Variants in OVCH1 observed in about 807,000 individuals in gnomAD.
OVCH1 encodes ovochymase 1.
Under a neutral mutation model 138.4 loss-of-function variants are expected in OVCH1, and 139 were observed. The observed-to-expected ratio is 1.00, with a 90% confidence interval of 0.87 to 1.16. The LOEUF (loss-of-function observed/expected upper bound fraction) is 1.16, where lower values mean the gene tolerates loss of function less well. Ranked by LOEUF, OVCH1 falls within the 50% of genes most tolerant of loss-of-function variation. The probability of loss-of-function intolerance (pLI) is 0.00; values close to 1 mark genes in which losing one functional copy is unlikely to be tolerated. For synonymous variants in OVCH1, 453 were observed against 467.8 expected, an observed-to-expected ratio of 0.97 and a Z score of 0.41; for missense variants, 1,367 against 1,357.9, an observed-to-expected ratio of 1.01 and a Z score of -0.11.
intron 22 of OVCH1, among the ~76,000 whole-genome samples, chr12:29,450,590 T>C (rs558181329): frequency 1.3e-5 from 2 of 152,314 alleles, no homozygotes; most frequent in African/African-American, 4.8e-5. Flanking sequence ...CGTTCAACCA[T>C]TGTAGAATAC....
Position 29,473,073 on chromosome 12 carries a change from GGTAACTTT to G in OVCH1, c.1623_1630del (p.Lys542SerfsTer15). On this transcript the variant is annotated frameshift_variant, in exon 15 of 28. Coordinates refer to ENST00000318184, the Ensembl canonical transcript of OVCH1. LOFTEE classifies it high-confidence loss of function. Reference sequence around the variant, plus strand: ...GGTAGATACAGGATTGTTTTGGGGAGGTAACTTTGGTTCAAATTTGTTTAAAGACTCTG... The same window carrying G: ...GGTAGATACAGGATTGTTTTGGGGAGGGTTCAAATTTGTTTAAAGACTCTG... 2 of 1,610,108 alleles carry G rather than the reference GGTAACTTT, an allele frequency of 1.2e-6. No homozygotes were observed. The highest frequency in any genetic ancestry group is 8.5e-7 in the Non-Finnish European group (1 of 1,177,838).
At position 29,452,792 on chromosome 12, in the gene OVCH1, T is replaced by C. The variant is rs111588426; in HGVS notation, c.2531-1223A>G. On this transcript the variant is annotated intron_variant, in intron 21 of 27. Transcript: ENST00000318184. ...AGAAACCATTGCTAAGATTCATTAA[T>C]TCCCTAGTGTAAAAAGTTAGTAGCG... Among the ~76,000 whole-genome samples the C allele has an allele frequency of 3.7e-4, 56 of 152,290 alleles. 1 individual carries two copies. Among genetic ancestry groups the C allele is most frequent in the African/African-American group, 1.3e-3 (55 of 41,574 alleles).
At chr12:29,430,704 C>T (rs1464287725) in intron 27 of OVCH1, among the ~76,000 whole-genome samples, 1 of 152,164 alleles carries the variant, frequency 6.6e-6, no homozygotes, top group South Asian at 2.1e-4. Flanking sequence ...AGTGGGTGAG[C>T]AGAGCTGGAG....
intron 14 of OVCH1, 133 bp from the exon 15 acceptor site, chr12:29,473,236 C>T (rs1942577833): frequency 1.7e-6 from 1 of 600,684 alleles, no homozygotes; most frequent in South Asian, 2.3e-5. Flanking sequence ...ACACTAGATG[C>T]CAGATCCCAG....
downstream of OVCH1, among the ~76,000 whole-genome samples, chr12:29,425,347 G>C (rs1053814117): frequency 3.3e-5 from 5 of 152,148 alleles, no homozygotes; most frequent in African/African-American, 9.7e-5. Context: ...TTAAATACAG[G>C]CTCCTAGATT....
chr12:29,462,091 C>T (rs1942157233), intron 18 of OVCH1, 83 bp from the exon 19 acceptor site: 31 of 1,445,762 alleles, frequency 2.1e-5, no homozygotes, highest in Non-Finnish European at 2.9e-5. Context: ...TCAGATGTAG[C>T]TCTGTACCAA....
intron 3 of OVCH1, among the ~76,000 whole-genome samples, chr12:29,417,071 C>T (rs1941039269): frequency 6.6e-6 from 1 of 152,174 alleles, no homozygotes; most frequent in African/African-American, 2.4e-5. Flanking sequence ...AAAAGTCAAT[C>T]CCAAAAGGTT....
chr12:29,496,140 A>G (rs1031939481), intron 3 of OVCH1, 41 bp downstream of exon 3: 150 of 1,522,582 alleles, frequency 9.9e-5, no homozygotes, highest in Non-Finnish European at 1.2e-4. Flanking sequence ...TCGCATAGCC[A>G]GGAATCAAGG....
chr12:29,414,360 C>T (rs7963652), intron 3 of OVCH1, among the ~76,000 whole-genome samples: 85,730 of 151,982 alleles, frequency 0.56, 26,239 homozygotes, highest in Middle Eastern at 0.78. Context: ...TTTCATTTAC[C>T]AGATTATGAT....
chr12:29,462,606 C>A (rs576185778), intron 18 of OVCH1, among the ~76,000 whole-genome samples: 3 of 152,010 alleles, frequency 2.0e-5, no homozygotes, highest in East Asian at 3.9e-4. Flanking sequence ...GATTTATGAC[C>A]AATTTTTTTA....
intron 26 of OVCH1, among the ~76,000 whole-genome samples, chr12:29,436,105 TTTTA>T (rs1383766847): frequency 4.6e-5 from 7 of 152,084 alleles, no homozygotes; most frequent in African/African-American, 7.2e-5. Flanking sequence ...TGTGACAATA[TTTTA>T]TTTAATGGCT....
intron 5 of OVCH1, 25 bp from the exon 6 acceptor site, chr12:29,489,796 A>G: frequency 6.3e-7 from 1 of 1,598,430 alleles, no homozygotes; most frequent in East Asian, 2.2e-5. Flanking sequence ...CAGATAAGTT[A>G]GCACACAATA....
At chr12:29,486,158 T>C in intron 8 of OVCH1, 92 bp downstream of exon 8, 1 of 1,228,000 alleles carries the variant, frequency 8.1e-7, no homozygotes, top group Non-Finnish European at 1.2e-6. Flanking sequence ...TAAATAAAAC[T>C]CAGATTGTGA....
At chr12:29,407,664 C>A (rs1472240684), downstream of OVCH1, among the ~76,000 whole-genome samples, 1 of 152,056 alleles carries the variant, frequency 6.6e-6, no homozygotes, top group African/African-American at 2.4e-5. Context: ...CCATTGGTCT[C>A]TATCTCTGTT....
chr12:29,446,297 AAAG>A (rs1275360277), intron 22 of OVCH1, among the ~76,000 whole-genome samples: 16 of 152,148 alleles, frequency 1.1e-4, no homozygotes, highest in African/African-American at 3.4e-4. Context: ...AAGAAAGAGA[AAAG>A]AAGAAAAAGC....
At chr12:29,461,658 C>T in intron 19 of OVCH1, 196 bp downstream of exon 19, 4 of 705,460 alleles carry the variant, frequency 5.7e-6, no homozygotes, top group African/African-American at 1.7e-5. Context: ...CAGCTGCTTC[C>T]GGCCACTCTC....
chr12:29,435,978 A>G (rs907829099), intron 26 of OVCH1, among the ~76,000 whole-genome samples: 34 of 152,234 alleles, frequency 2.2e-4, no homozygotes, highest in Admixed American at 1.6e-3. Context: ...AAGATGTCCA[A>G]TTAAACATAT....
chr12:29,409,507 G>A (rs1241874306), downstream of OVCH1, among the ~76,000 whole-genome samples: 18 of 151,760 alleles, frequency 1.2e-4, no homozygotes, highest in Non-Finnish European at 1.9e-4. Flanking sequence ...GGTATGTTGT[G>A]TCTTTGTTCT....
chr12:29,478,822 G>A lies in OVCH1; in HGVS notation c.1069+13C>T. 2 of 1,543,734 alleles carry A rather than the reference G, an allele frequency of 1.3e-6. No homozygotes were observed. The highest frequency in any genetic ancestry group is 1.2e-5 in the South Asian group (1 of 80,852). On this transcript the variant is annotated intron_variant, in intron 9 of 27. Coordinates refer to ENST00000318184, the Ensembl canonical transcript of OVCH1. ...TCTAAAATGACAAATAAAAACAAAT[G>A]TAACATACTTACTAAAAAGCACTCC... is the stretch of plus-strand genomic sequence containing the variant.
Sources: gnomAD v4.1 joint callset for allele counts (sites outside exome capture counted in the v4.1 genomes callset) on GRCh38, gnomAD v4.1.1 for gene constraint, MANE v1.5 for transcripts, NCBI Gene and HGNC (gene_info 2026-07-23, HGNC 2026-07-21) for gene names.